The following FOXP2 variants were observed in gnomAD, a reference collection of about 807,000 sequenced individuals.
FOXP2 encodes forkhead box P2.
FOXP2 carries 12 observed loss-of-function variants against 115.8 expected under a neutral mutation model. That is an observed-to-expected ratio of 0.10 (90% CI 0.07 to 0.17). FOXP2 has a LOEUF of 0.17. FOXP2 is among the 10% of genes least tolerant of loss of function. The pLI, the probability that FOXP2 is intolerant of heterozygous loss-of-function variation, is 1.00. For missense variants in FOXP2, 629 were observed against 843.5 expected, an observed-to-expected ratio of 0.75 and a Z score of 3.15; for synonymous variants, 328 against 297.7, an observed-to-expected ratio of 1.10 and a Z score of -1.05.
intron 1 of FOXP2, among the ~76,000 whole-genome samples, chr7:114,114,152 T>C (rs565908514): frequency 6.6e-6 from 1 of 152,020 alleles, no homozygotes; most frequent in Admixed American, 6.6e-5. Context: ...AGAGTGCTCC[T>C]AATTTGCCTT....
chr7:114,138,172 G>A (rs1280943776), intron 1 of FOXP2, among the ~76,000 whole-genome samples: 1 of 152,098 alleles, frequency 6.6e-6, no homozygotes. Context: ...TAACCCCCAA[G>A]GAGGTACAGC....
chr7:114,175,419 A>T (rs1793263013), intron 1 of FOXP2, among the ~76,000 whole-genome samples: 1 of 152,138 alleles, frequency 6.6e-6, no homozygotes, highest in Non-Finnish European at 1.5e-5. Context: ...CATGGGTAAC[A>T]ATGTTAAGGA....
intron 2 of FOXP2, among the ~76,000 whole-genome samples, chr7:114,383,966 C>T (rs1792376764): frequency 6.6e-6 from 1 of 152,140 alleles, no homozygotes. Context: ...CACTCCCTTT[C>T]CCACCTTTCT....
rs77932932 is a variant in FOXP2, at chr7:114,098,351, A to C, written c.-247+10513A>C. 1.0e-3 allele frequency among the ~76,000 whole-genome samples: 152 copies of C among 152,334 alleles called. 3 individuals are homozygous for C. In the East Asian group the frequency reaches 0.029, roughly 29 times the overall value. The stretch of plus-strand genomic sequence containing the variant: ...TTATATTACAAAGCTGTGGTAATCA[A>C]AACAGTATAGTACTGGCCTAAAATC... On this transcript the variant is annotated intron_variant, in intron 1 of 19. Transcript: ENST00000635638.
chr7:114,400,674 T>A (rs981211309), intron 2 of FOXP2, among the ~76,000 whole-genome samples: 1 of 152,154 alleles, frequency 6.6e-6, no homozygotes, highest in Non-Finnish European at 1.5e-5. Flanking sequence ...CATTAAATTC[T>A]CAGAAGGAGC....
intron 3 of FOXP2, among the ~76,000 whole-genome samples, chr7:114,626,702 T>C (rs1804611579): frequency 6.6e-6 from 1 of 151,746 alleles, no homozygotes; most frequent in Admixed American, 6.6e-5. Context: ...ATGAGGTAAA[T>C]GATTGTTCGA....
intron 1 of FOXP2, among the ~76,000 whole-genome samples, chr7:114,147,576 A>C (rs1469102832): frequency 6.6e-6 from 1 of 152,182 alleles, no homozygotes; most frequent in East Asian, 1.9e-4. Flanking sequence ...TGTCTGCCAC[A>C]AGTCCATGTT....
intron 2 of FOXP2, among the ~76,000 whole-genome samples, chr7:114,430,519 T>C (rs1229232136): frequency 6.6e-6 from 1 of 151,768 alleles, no homozygotes; most frequent in African/African-American, 2.4e-5. Context: ...AAGGCACTGG[T>C]AAATAGTGGC....
chr7:114,512,828 A>T (rs2129262910), intron 2 of FOXP2, among the ~76,000 whole-genome samples: 1 of 152,280 alleles, frequency 6.6e-6, no homozygotes, highest in East Asian at 1.9e-4. Context: ...TCACACCTGT[A>T]ATCCCAGCAC....
intron 3 of FOXP2, chr7:114,561,247 A>T (rs1313444949): frequency 6.6e-6 from 1 of 152,210 alleles, no homozygotes; most frequent in Non-Finnish European, 1.5e-5. Context: ...GATTTCGTCT[A>T]TGTTAACTTT....
chr7:114,654,535 A>G (rs904609950), intron 10 of FOXP2, among the ~76,000 whole-genome samples: 1 of 152,180 alleles, frequency 6.6e-6, no homozygotes, highest in Non-Finnish European at 1.5e-5. Context: ...GTTTTATTGT[A>G]CATTATACAT....
At chr7:114,636,481 C>T (rs1418978394) in intron 6 of FOXP2, among the ~76,000 whole-genome samples, 2 of 151,840 alleles carry the variant, frequency 1.3e-5, no homozygotes, top group Non-Finnish European at 2.9e-5. Context: ...TATAAGTAAC[C>T]TTAGAAAATA....
At chr7:114,482,870 T>C (rs1377590267) in intron 2 of FOXP2, among the ~76,000 whole-genome samples, 1 of 151,674 alleles carries the variant, frequency 6.6e-6, no homozygotes, top group Non-Finnish European at 1.5e-5. Context: ...TTAATAATTG[T>C]AAACTTTATG....
chr7:114,309,829 TC>T (rs1797102398), intron 2 of FOXP2, among the ~76,000 whole-genome samples: 1 of 147,412 alleles, frequency 6.8e-6, no homozygotes, highest in Non-Finnish European at 1.5e-5. Context: ...CACACTCAAC[TC>T]TTTTTTTTTT....
In FOXP2 at chr7:114,691,301, G is replaced by C. The variant is rs777030847; in HGVS notation, c.*1375G>C. 14 of 451,986 alleles carry C rather than the reference G, an allele frequency of 3.1e-5. No homozygotes were observed. Among genetic ancestry groups the C allele is most frequent in the South Asian group, 1.9e-4 (12 of 63,920 alleles). 28.0% of individuals were successfully genotyped at this position (451,986 alleles called of 1,614,324 possible). A position where few individuals can be genotyped will look rare whatever the true frequency, so the allele number is the denominator to read the frequency against. On this transcript the variant is annotated 3_prime_UTR_variant, in exon 17 of 17. Transcript: ENST00000350908. Reference sequence around the variant, plus strand: ...CAAAAAGTAGGAACCAAACATAAAAGGTCTAGTAAAGCCAAAAATTAATTT... The same window carrying C: ...CAAAAAGTAGGAACCAAACATAAAACGTCTAGTAAAGCCAAAAATTAATTT...
At chr7:114,523,912 G>C (rs190514905) in intron 2 of FOXP2, among the ~76,000 whole-genome samples, 12 of 152,220 alleles carry the variant, frequency 7.9e-5, no homozygotes, top group Admixed American at 7.9e-4. Context: ...GTATATTTAT[G>C]TTTAAGTGGG....
At chr7:114,167,363 A>G (rs564404710) in intron 1 of FOXP2, among the ~76,000 whole-genome samples, 1 of 152,300 alleles carries the variant, frequency 6.6e-6, no homozygotes, top group African/African-American at 2.4e-5. Flanking sequence ...TTCCAACCAC[A>G]GGCATATGCT....
chr7:114,505,730 A>G (rs944977495), intron 2 of FOXP2, among the ~76,000 whole-genome samples: 1 of 151,470 alleles, frequency 6.6e-6, no homozygotes, highest in Non-Finnish European at 1.5e-5. Context: ...CTATTATGTG[A>G]TCTATAGGGT....
chr7:114,554,606 A>C (rs1800369724), intron 3 of FOXP2, among the ~76,000 whole-genome samples: 1 of 152,068 alleles, frequency 6.6e-6, no homozygotes, highest in Non-Finnish European at 1.5e-5. Flanking sequence ...ATTCTGGACT[A>C]CTATTTTCTT....
Sources: allele counts gnomAD v4.1 joint callset (sites outside exome capture counted in the v4.1 genomes callset), GRCh38; gene constraint gnomAD v4.1.1; transcripts MANE v1.5; gene names NCBI Gene and HGNC (gene_info 2026-07-23, HGNC 2026-07-21).